ENOX1: variants seen among roughly 807,000 people sequenced by gnomAD.
The protein encoded by ENOX1 is ecto-NOX disulfide-thiol exchanger 1.
ENOX1 carries 42 observed loss-of-function variants against 82.5 expected under a neutral mutation model. The ratio of observed to expected loss-of-function variants is 0.51; its 90% CI spans 0.40 to 0.66. ENOX1 has a LOEUF of 0.66. Ranked by LOEUF, ENOX1 falls within the 30% of genes least tolerant of loss-of-function variation. The pLI is 0.00. For synonymous variants in ENOX1, 271 were observed against 282.2 expected, an observed-to-expected ratio of 0.96 and a Z score of 0.40; for missense variants, 608 against 811.6, an observed-to-expected ratio of 0.75 and a Z score of 3.05.
chr13:43,264,389 A>C (rs2044251463), intron 14 of ENOX1, among the ~76,000 whole-genome samples: 1 of 152,146 alleles, frequency 6.6e-6, no homozygotes, highest in African/African-American at 2.4e-5. Flanking sequence ...CTAGTCTTAT[A>C]TTTCTTTGTA....
chr13:43,420,104 A>G (rs2054886313), intron 3 of ENOX1, among the ~76,000 whole-genome samples: 1 of 152,242 alleles, frequency 6.6e-6, no homozygotes, highest in Admixed American at 6.5e-5. Flanking sequence ...TTCCTTCCAA[A>G]GTTCACTCTC....
chr13:43,310,777 T>C (rs529131819), intron 11 of ENOX1, among the ~76,000 whole-genome samples: 5 of 152,180 alleles, frequency 3.3e-5, no homozygotes, highest in African/African-American at 7.2e-5. Context: ...TTTGCAAAAA[T>C]TGCAACCTAG....
intron 2 of ENOX1, among the ~76,000 whole-genome samples, chr13:43,552,443 T>G (rs748089632): frequency 1.3e-5 from 2 of 152,124 alleles, no homozygotes; most frequent in Non-Finnish European, 2.9e-5. Context: ...CCTCCCTTCT[T>G]CTTTCTCATT....
intron 2 of ENOX1, among the ~76,000 whole-genome samples, chr13:43,563,864 T>C (rs887269698): frequency 6.6e-6 from 1 of 151,796 alleles, no homozygotes; most frequent in South Asian, 2.1e-4. Context: ...GGTCTCGCAG[T>C]AAAGAAAAGC....
At chr13:43,749,706 C>T (rs1390640626) in intron 1 of ENOX1, among the ~76,000 whole-genome samples, 2 of 152,092 alleles carry the variant, frequency 1.3e-5, no homozygotes, top group Non-Finnish European at 2.9e-5. Flanking sequence ...AGTAAAACAA[C>T]AATAATGACA....
At chr13:43,349,155 A>G (rs1305630766) in intron 8 of ENOX1, among the ~76,000 whole-genome samples, 1 of 152,204 alleles carries the variant, frequency 6.6e-6, no homozygotes, top group Non-Finnish European at 1.5e-5. Flanking sequence ...CATGTCAAAG[A>G]GTATTTTCAC....
chr13:43,708,549 T>C (rs1475494999), intron 1 of ENOX1, among the ~76,000 whole-genome samples: 1 of 152,216 alleles, frequency 6.6e-6, no homozygotes, highest in East Asian at 1.9e-4. Flanking sequence ...TTCTTTCTTC[T>C]GAGGAGGCAA....
intron 11 of ENOX1, among the ~76,000 whole-genome samples, chr13:43,313,390 C>G (rs1287025066): frequency 3.3e-5 from 5 of 152,130 alleles, no homozygotes; most frequent in Admixed American, 3.3e-4. Context: ...GAAGGCAATT[C>G]AATAAACTAT....
At chr13:43,355,110 G>T (rs1322249274) in intron 8 of ENOX1, among the ~76,000 whole-genome samples, 1 of 152,168 alleles carries the variant, frequency 6.6e-6, no homozygotes, top group Non-Finnish European at 1.5e-5. Flanking sequence ...GTGACCTCAG[G>T]AGGGTCTGAC....
chr13:43,416,725 G>A (rs1339859893), intron 3 of ENOX1, among the ~76,000 whole-genome samples: 1 of 150,400 alleles, frequency 6.6e-6, no homozygotes. Context: ...TCACTTCCCA[G>A]ACAGGGCGGC....
At chr13:43,440,123 A>G (rs2056281327) in intron 3 of ENOX1, among the ~76,000 whole-genome samples, 1 of 152,244 alleles carries the variant, frequency 6.6e-6, no homozygotes, top group South Asian at 2.1e-4. Flanking sequence ...ACAGAGGTGT[A>G]GCCTGAGAAA....
At chr13:43,263,571 T>C (rs929346236) in intron 14 of ENOX1, among the ~76,000 whole-genome samples, 2 of 152,264 alleles carry the variant, frequency 1.3e-5, no homozygotes, top group African/African-American at 4.8e-5. Context: ...GATACTGTGT[T>C]AGGCCTGTCT....
In ENOX1 at chr13:43,213,479, T is replaced by C. The variant is rs1038684440; in HGVS notation, c.*511A>G. ...AACTGTTTAGACACATATTCAAGTT[T>C]TCTTTTGGTATGCTTTTCCCTCACT... On this transcript the variant is annotated 3_prime_UTR_variant, in exon 17 of 17. Transcript: ENST00000690772. 6.6e-5 allele frequency: 10 copies of C among 151,956 alleles called. No individual in the cohort carries two copies. Among genetic ancestry groups the C allele is most frequent in the African/African-American group, 2.4e-4 (10 of 41,414 alleles). The allele number at this position is 151,956 out of a possible 1,614,324, so 9.4% of individuals were successfully genotyped here. A position where few individuals can be genotyped will look rare whatever the true frequency, so the allele number is the denominator to read the frequency against.
intron 11 of ENOX1, among the ~76,000 whole-genome samples, chr13:43,303,440 A>G (rs546471785): frequency 1.6e-4 from 24 of 152,194 alleles, no homozygotes; most frequent in African/African-American, 5.8e-4. Flanking sequence ...GTGTACTCAA[A>G]CTCATGCTTC....
At position 43,526,527 on chromosome 13, in the gene ENOX1, G is replaced by T. The variant is rs9630334; in HGVS notation, c.-218-42375C>A. 4.6e-3 allele frequency among the ~76,000 whole-genome samples: 699 copies of T among 152,112 alleles called. 11 individuals carry two copies. The highest frequency in any genetic ancestry group is 0.016 in the African/African-American group (655 of 41,502). On this transcript the variant is annotated intron_variant, in intron 2 of 16. Coordinates refer to ENST00000690772, the MANE Select transcript of ENOX1 (RefSeq NM_001347969.2). ...ATTTTAATGTTCTTTGAACTAGAAG[G>T]CCAGGAAAAGAAACAGAGAAAAGCA...
In ENOX1 at chr13:43,308,375, C is replaced by T. The variant is rs561218192; in HGVS notation, c.1262-9845G>A. Among the ~76,000 whole-genome samples the T allele has an allele frequency of 1.1e-3, 163 of 152,288 alleles. No individual in the cohort carries two copies. The Middle Eastern group carries it at 0.014, about 13-fold the overall frequency. On this transcript the variant is annotated intron_variant, in intron 11 of 16. Transcript: ENST00000690772. ...CTTTACTCCATTTTTGTTTTCTTCT[C>T]ATTCCCACATTACTTTACCTCACCT...
intron 1 of ENOX1, among the ~76,000 whole-genome samples, chr13:43,761,269 A>G (rs1950956861): frequency 6.6e-6 from 1 of 152,216 alleles, no homozygotes; most frequent in Non-Finnish European, 1.5e-5. Context: ...AATTTTTAAT[A>G]GACATTTTCA....
intron 2 of ENOX1, among the ~76,000 whole-genome samples, chr13:43,566,761 A>C (rs1415928122): frequency 6.6e-6 from 1 of 152,096 alleles, no homozygotes; most frequent in African/African-American, 2.4e-5. Flanking sequence ...GAGAAGGTAT[A>C]GATCTTCGAA....
intron 1 of ENOX1, among the ~76,000 whole-genome samples, chr13:43,670,898 A>T (rs532382492): frequency 2.0e-5 from 3 of 151,524 alleles, no homozygotes; most frequent in Non-Finnish European, 4.4e-5. Flanking sequence ...CCAGTATTTG[A>T]AGGAAAATAT....
Sources: gnomAD v4.1 joint callset for allele counts (sites outside exome capture counted in the v4.1 genomes callset) on GRCh38, gnomAD v4.1.1 for gene constraint, MANE v1.5 for transcripts, NCBI Gene and HGNC (gene_info 2026-07-23, HGNC 2026-07-21) for gene names.